Variants in KCNQ1OT1 observed in about 807,000 individuals in gnomAD.
The protein encoded by KCNQ1OT1 is KCNQ1 antisense RNA 2 (non-protein coding).
At position 2,691,226 on chromosome 11, in the gene KCNQ1OT1, G is replaced by C. The variant is rs1036227265; in HGVS notation, n.8769C>G. 1 of 398,514 alleles carries C rather than the reference G, an allele frequency of 2.5e-6. No individual in the cohort carries two copies. Among genetic ancestry groups the C allele is most frequent in the Non-Finnish European group, 4.4e-6 (1 of 226,110 alleles). 24.7% of individuals were successfully genotyped at this position (398,514 alleles called of 1,614,324 possible). ...AAATTAGCAAGTGGAGGAGTTAGAG[G>C]ATCTGCAGTTAACCCCTTGAGTCTC... On this transcript the variant is annotated non_coding_transcript_exon_variant, in exon 1 of 1. Transcript: ENST00000597346. This position sits in a 1 kb window ranked among gnomAD's most constrained non-coding sequence, Gnocchi z 6.4.
At position 2,661,708 on chromosome 11, in the gene KCNQ1OT1, C is replaced by T; in HGVS notation, n.38287G>A. The T allele has an allele frequency of 1.6e-6, 1 of 610,460 alleles. No individual in the cohort carries two copies. The highest frequency in any genetic ancestry group is 2.9e-6 in the Non-Finnish European group (1 of 341,452). 37.8% of individuals were successfully genotyped at this position (610,460 alleles called of 1,614,324 possible). On this transcript the variant is annotated non_coding_transcript_exon_variant, in exon 1 of 1. Transcript: ENST00000597346. This position sits in a 1 kb window ranked among gnomAD's most constrained non-coding sequence, Gnocchi z 5.9. ...GAGTCTTGGACACCTGAGCACAGCCCCAGGCACAGTTACCACTCCGAAGAT... is the reference window on the plus strand; with the variant it reads ...GAGTCTTGGACACCTGAGCACAGCCTCAGGCACAGTTACCACTCCGAAGAT...
At chr11:2,685,258 G>A (rs1449942532) in exon 1 of KCNQ1OT1, 9 of 398,572 alleles carry the variant, frequency 2.3e-5, no homozygotes, top group Non-Finnish European at 4.4e-6. Context: ...AAACTCCAGG[G>A]CACACGTGCC....
exon 1 of KCNQ1OT1, chr11:2,665,317 T>C (rs1170699998): frequency 1.3e-5 from 5 of 397,520 alleles, no homozygotes; most frequent in African/African-American, 2.1e-5. Context: ...GAGAGAAAGG[T>C]GGGAAGTAGA....
chr11:2,646,228 A>G (rs747754327), exon 1 of KCNQ1OT1: 5 of 398,544 alleles, frequency 1.3e-5, no homozygotes, highest in Non-Finnish European at 2.2e-5. Flanking sequence ...AGATGCCTCT[A>G]GTCAGCCATC....
Position 2,674,832 on chromosome 11 carries a change from T to A in KCNQ1OT1, n.25163A>T, listed in dbSNP as rs113630709. The A allele has an allele frequency of 0.038, 11,622 of 302,882 alleles. 289 individuals are homozygous for A. The highest frequency in any genetic ancestry group is 0.13 in the African/African-American group (3,524 of 27,774). The allele number at this position is 302,882 out of a possible 1,614,324, so 18.8% of individuals were successfully genotyped here. On this transcript the variant is annotated non_coding_transcript_exon_variant, in exon 1 of 1. Transcript: ENST00000597346. The surrounding 1 kb of genome is among the most constrained non-coding windows in gnomAD (Gnocchi z 5.9). Reference sequence around the variant, plus strand: ...GCTTGTCACCCTAATAGCTGTTTTTTAAAAAAAAAAAAAAAAAAAAAAAAA... The same window carrying A: ...GCTTGTCACCCTAATAGCTGTTTTTAAAAAAAAAAAAAAAAAAAAAAAAAA...
At position 2,677,496 on chromosome 11, in the gene KCNQ1OT1, G is replaced by T; in HGVS notation, n.22499C>A. On this transcript the variant is annotated non_coding_transcript_exon_variant, in exon 1 of 1. Coordinates refer to ENST00000597346, the Ensembl canonical transcript of KCNQ1OT1. This position sits in a 1 kb window ranked among gnomAD's most constrained non-coding sequence, Gnocchi z 4.5. ...ACCATGCCATACTTCTACAAAAAAT[G>T]ATCCTCTCTGTGGAAGTGCTGCCAA... is the stretch of plus-strand genomic sequence containing the variant. The T allele has an allele frequency of 2.5e-6, 1 of 398,524 alleles. No homozygotes were observed. The highest frequency in any genetic ancestry group is 4.4e-5 in the Admixed American group (1 of 22,720). The allele number at this position is 398,524 out of a possible 1,614,324, so 24.7% of individuals were successfully genotyped here. A position where few individuals can be genotyped will look rare whatever the true frequency, so the allele number is the denominator to read the frequency against.
rs553777471 is a variant in KCNQ1OT1 at position 2,664,712 on chromosome 11, G to A, written n.35283C>T. 1.0e-5 allele frequency: 4 copies of A among 398,610 alleles called. No homozygotes were observed. The highest frequency in any genetic ancestry group is 1.8e-5 in the Non-Finnish European group (4 of 226,166). The allele number at this position is 398,610 out of a possible 1,614,324, so 24.7% of individuals were successfully genotyped here. On this transcript the variant is annotated non_coding_transcript_exon_variant, in exon 1 of 1. Coordinates refer to ENST00000597346, the Ensembl canonical transcript of KCNQ1OT1. This position sits in a 1 kb window ranked among gnomAD's most constrained non-coding sequence, Gnocchi z 5.1. ...CATGGACCCTGAACTGGGAAGAGAG[G>A]CACACGCCCTGGTGTGTGTGAGGGA...
exon 1 of KCNQ1OT1, chr11:2,666,464 G>A (rs752647119): frequency 2.5e-6 from 1 of 398,694 alleles, no homozygotes; most frequent in Non-Finnish European, 4.4e-6. Context: ...GGACCCTGCA[G>A]AATCTCACGC....
chr11:2,613,900 A>G lies in KCNQ1OT1; in HGVS notation n.86095T>C. 2 of 398,552 alleles carry G rather than the reference A, an allele frequency of 5.0e-6. No homozygotes were observed. Among genetic ancestry groups the G allele is most frequent in the Non-Finnish European group, 8.8e-6 (2 of 226,046 alleles). 24.7% of individuals were successfully genotyped at this position (398,552 alleles called of 1,614,324 possible). On this transcript the variant is annotated non_coding_transcript_exon_variant, in exon 1 of 1. Coordinates refer to ENST00000597346, the Ensembl canonical transcript of KCNQ1OT1. The surrounding 1 kb of genome is among the most constrained non-coding windows in gnomAD (Gnocchi z 4.8). ...GACATGATTATTTTCTCATTTCCCA[A>G]AAAAGTACTATTCTGTATATGCCCT...
chr11:2,610,745 T>TA (rs1848967501), exon 1 of KCNQ1OT1: 1 of 358,272 alleles, frequency 2.8e-6, no homozygotes, highest in Non-Finnish European at 4.8e-6. Flanking sequence ...TTTTTTTTTT[T>TA]ACTTTGAGCA....
At chr11:2,609,101 T>A in exon 1 of KCNQ1OT1, 1 of 398,418 alleles carries the variant, frequency 2.5e-6, no homozygotes. Context: ...TTTTCTAGTT[T>A]CTTGAGGTGG....
chr11:2,648,529 ACAGTGGTCATT>A, exon 1 of KCNQ1OT1: 1 of 398,506 alleles, frequency 2.5e-6, no homozygotes, highest in Non-Finnish European at 4.4e-6. Context: ...CTTCATAGAC[ACAGTGGTCATT>A]CAGGAACATG....
exon 1 of KCNQ1OT1, chr11:2,641,624 C>T: frequency 2.5e-6 from 1 of 398,340 alleles, no homozygotes; most frequent in Non-Finnish European, 4.4e-6. Flanking sequence ...TTGTTGTGTA[C>T]AAGCTTTATC....
Position 2,663,766 on chromosome 11 carries a change from C to T in KCNQ1OT1, n.36229G>A. 2.5e-6 allele frequency: 1 copy of T among 398,714 alleles called. No homozygotes were observed. Among genetic ancestry groups the T allele is most frequent in the East Asian group, 3.6e-5 (1 of 28,064 alleles). The allele number at this position is 398,714 out of a possible 1,614,324, so 24.7% of individuals were successfully genotyped here. A position where few individuals can be genotyped will look rare whatever the true frequency, so the allele number is the denominator to read the frequency against. The stretch of plus-strand genomic sequence containing the variant: ...AGAGACCAGGCACTTATGTGGATCA[C>T]AGCCAAACTTGCAGCTGCCCAGTAA... On this transcript the variant is annotated non_coding_transcript_exon_variant, in exon 1 of 1. Coordinates refer to ENST00000597346, the Ensembl canonical transcript of KCNQ1OT1. The surrounding 1 kb of genome is among the most constrained non-coding windows in gnomAD (Gnocchi z 5.2).
rs888154523 is a variant in KCNQ1OT1 at position 2,611,378 on chromosome 11, C to A, written n.88617G>T. On this transcript the variant is annotated non_coding_transcript_exon_variant, in exon 1 of 1. Transcript: ENST00000597346. The surrounding 1 kb of genome is among the most constrained non-coding windows in gnomAD (Gnocchi z 5.3). ...GGGACTACAGGCATTTGCCACCATA[C>A]CCAGCTAATTTTTAGTAGAGACAGA... The A allele has an allele frequency of 5.0e-6, 2 of 397,310 alleles. No homozygotes were observed. Among genetic ancestry groups the A allele is most frequent in the Non-Finnish European group, 8.9e-6 (2 of 225,828 alleles). The allele number at this position is 397,310 out of a possible 1,614,324, so 24.6% of individuals were successfully genotyped here. A position where few individuals can be genotyped will look rare whatever the true frequency, so the allele number is the denominator to read the frequency against.
chr11:2,683,241 C>T lies in KCNQ1OT1; in HGVS notation n.16754G>A, dbSNP rs532318404. 2.5e-6 allele frequency: 1 copy of T among 398,614 alleles called. No homozygotes were observed. Among genetic ancestry groups the T allele is most frequent in the African/African-American group, 2.1e-5 (1 of 48,744 alleles). The allele number at this position is 398,614 out of a possible 1,614,324, so 24.7% of individuals were successfully genotyped here. A position where few individuals can be genotyped will look rare whatever the true frequency, so the allele number is the denominator to read the frequency against. ...TAGAGGTGAGATACAGAGCAGGAGT[C>T]CATGGCACCTCCAGAACCTGTCAGC... On this transcript the variant is annotated non_coding_transcript_exon_variant, in exon 1 of 1. Transcript: ENST00000597346. This position sits in a 1 kb window ranked among gnomAD's most constrained non-coding sequence, Gnocchi z 4.7.
At chr11:2,660,382 ACCTT>A (rs1849930366) in exon 1 of KCNQ1OT1, 3 of 398,430 alleles carry the variant, frequency 7.5e-6, no homozygotes, top group Admixed American at 4.4e-5. Context: ...ATGTGGGAAA[ACCTT>A]CCTTTTTTAT....
Position 2,627,644 on chromosome 11 carries a change from G to A in KCNQ1OT1, n.72351C>T, listed in dbSNP as rs1849282523. The A allele has an allele frequency of 2.5e-6, 1 of 398,348 alleles. No homozygotes were observed. Among genetic ancestry groups the A allele is most frequent in the African/African-American group, 2.1e-5 (1 of 48,572 alleles). The allele number at this position is 398,348 out of a possible 1,614,324, so 24.7% of individuals were successfully genotyped here. A position where few individuals can be genotyped will look rare whatever the true frequency, so the allele number is the denominator to read the frequency against. ...ATTGCATGATTTCCTGCTTTTTAAA[G>A]GATGAATATTTCATTGTGTGTGTGT... On this transcript the variant is annotated non_coding_transcript_exon_variant, in exon 1 of 1. Transcript: ENST00000597346. This position sits in a 1 kb window ranked among gnomAD's most constrained non-coding sequence, Gnocchi z 4.9.
rs890436546 is a variant in KCNQ1OT1, at chr11:2,687,247, A to G, written n.12748T>C. On this transcript the variant is annotated non_coding_transcript_exon_variant, in exon 1 of 1. Transcript: ENST00000597346. This position sits in a 1 kb window ranked among gnomAD's most constrained non-coding sequence, Gnocchi z 5.0. ...CAATTTTCACTCAGCCAGCATCACT[A>G]CCAGCTCCGGGCTTCTCTCCTCTGG... is the stretch of plus-strand genomic sequence containing the variant. 8 of 398,624 alleles carry G rather than the reference A, an allele frequency of 2.0e-5. No homozygotes were observed. In the South Asian group the frequency reaches 6.4e-4, roughly 32 times the overall value. The allele number at this position is 398,624 out of a possible 1,614,324, so 24.7% of individuals were successfully genotyped here. A position where few individuals can be genotyped will look rare whatever the true frequency, so the allele number is the denominator to read the frequency against.
Sources: gnomAD v4.1 joint callset for allele counts on GRCh38, gnomAD v4.1.1 for gene constraint, Gnocchi (gnomAD v3.1) non-coding constraint, MANE v1.5 for transcripts, NCBI Gene and HGNC (gene_info 2026-07-23, HGNC 2026-07-21) for gene names.